TCF7: variants seen among roughly 807,000 people sequenced by gnomAD.
The protein encoded by TCF7 is transcription factor 7, also known as T-cell-factor-7.
In TCF7, 19 loss-of-function variants were observed where a neutral mutation model predicts 46.8. The ratio of observed to expected loss-of-function variants is 0.41; its 90% confidence interval spans 0.28 to 0.60. The LOEUF (loss-of-function observed/expected upper bound fraction) is 0.60, where lower values mean the gene tolerates loss of function less well. Among genes scored for constraint, TCF7 ranks in the 20% least tolerant of loss-of-function variants. The pLI, the probability that TCF7 is intolerant of heterozygous loss-of-function variation, is 0.35. For missense variants in TCF7, 547 were observed against 504.6 expected, an observed-to-expected ratio of 1.08 and a Z score of -0.81; for synonymous variants, 245 against 213.4, an observed-to-expected ratio of 1.15 and a Z score of -1.29.
intron 3 of TCF7, among the ~76,000 whole-genome samples, chr5:134,132,106 T>C (rs567636684): frequency 6.6e-6 from 1 of 152,284 alleles, no homozygotes; most frequent in Non-Finnish European, 1.5e-5. Context: ...CTGTGCACAA[T>C]AACCATAGGC....
In TCF7 at chr5:134,146,528, C is replaced by T. The variant is rs760660096; in HGVS notation, c.*225C>T. On this transcript the variant is annotated 3_prime_UTR_variant, in exon 10 of 10. Coordinates refer to ENST00000342854, the MANE Select transcript of TCF7 (RefSeq NM_003202.5). ...TCAGAGACAGGTGGCCTAGCAGGCA[C>T]AGGACACCTGGCCGCCTCCAGGAGC... 4 of 724,606 alleles carry T rather than the reference C, an allele frequency of 5.5e-6. No individual in the cohort carries two copies. The South Asian group carries it at 5.9e-5, about 11-fold the overall frequency. 44.9% of individuals were successfully genotyped at this position (724,606 alleles called of 1,614,324 possible). A position where few individuals can be genotyped will look rare whatever the true frequency, so the allele number is the denominator to read the frequency against.
At chr5:134,144,624 T>TGGGCTCCC (rs1760401496) in intron 9 of TCF7, 3 of 601,172 alleles carry the variant, frequency 5.0e-6, no homozygotes, top group Non-Finnish European at 9.0e-6. Flanking sequence ...TCTGGGCTCT[T>TGGGCTCCC]GGGCTCCCAC....
At chr5:134,124,587 C>T (rs28495738) in intron 3 of TCF7, among the ~76,000 whole-genome samples, 22,288 of 152,126 alleles carry the variant, frequency 0.15, 2,550 homozygotes, top group African/African-American at 0.31. Context: ...AAGCCCTCAC[C>T]CCGCAGCCCC....
intron 5 of TCF7, among the ~76,000 whole-genome samples, chr5:134,140,140 T>C (rs1759515342): frequency 6.6e-6 from 1 of 152,172 alleles, no homozygotes; most frequent in South Asian, 2.1e-4. Flanking sequence ...GGCACTTGGC[T>C]GTGAGGAAAG....
chr5:134,143,683 C>T (rs1379855777), intron 9 of TCF7, 43 bp downstream of exon 9: 5 of 1,610,878 alleles, frequency 3.1e-6, no homozygotes, highest in Non-Finnish European at 3.4e-6. Flanking sequence ...CTCTCCATGT[C>T]CCCATTTCAA....
chr5:134,121,291 A>G (rs1025752208), intron 3 of TCF7, among the ~76,000 whole-genome samples: 2 of 152,110 alleles, frequency 1.3e-5, no homozygotes, highest in African/African-American at 4.8e-5. Context: ...TTCAAAAAAA[A>G]AAAAAAGATT....
intron 3 of TCF7, among the ~76,000 whole-genome samples, chr5:134,119,945 G>A (rs1756345973): frequency 6.6e-6 from 1 of 152,208 alleles, no homozygotes; most frequent in Non-Finnish European, 1.5e-5. Flanking sequence ...CTTGGTACCA[G>A]GTACTGGGCC....
intron 3 of TCF7, among the ~76,000 whole-genome samples, chr5:134,119,842 G>A (rs1286334750): frequency 6.6e-6 from 1 of 152,264 alleles, no homozygotes; most frequent in Non-Finnish European, 1.5e-5. Flanking sequence ...GCCCCAGAGC[G>A]AGCTGTGGGC....
intron 3 of TCF7, among the ~76,000 whole-genome samples, chr5:134,118,176 A>G (rs555665507): frequency 4.5e-4 from 69 of 152,306 alleles, no homozygotes; most frequent in Middle Eastern, 3.4e-3. Flanking sequence ...TTCAAGGTTC[A>G]TGTGTCTGGA....
chr5:134,133,428 G>C (rs572354950), intron 3 of TCF7, among the ~76,000 whole-genome samples: 48 of 152,116 alleles, frequency 3.2e-4, no homozygotes, highest in Non-Finnish European at 5.4e-4. Flanking sequence ...GCAGGGGAGG[G>C]GGGCTTCAGT....
At position 134,146,756 on chromosome 5, in the gene TCF7, C is replaced by T; in HGVS notation, c.*453C>T. ...ATCTAATTAAGGGAATCCCTTGTAC[C>T]TATGGCTGCCTGCATCTATTCTTTG... On this transcript the variant is annotated 3_prime_UTR_variant, in exon 10 of 10. Coordinates refer to ENST00000342854, the MANE Select transcript of TCF7 (RefSeq NM_003202.5). The T allele has an allele frequency of 1.8e-6, 1 of 557,852 alleles. No individual in the cohort carries two copies. The highest frequency in any genetic ancestry group is 3.1e-6 in the Non-Finnish European group (1 of 318,186). The allele number at this position is 557,852 out of a possible 1,614,324, so 34.6% of individuals were successfully genotyped here.
At chr5:134,134,186 C>T (rs908537957) in intron 3 of TCF7, among the ~76,000 whole-genome samples, 72 of 152,322 alleles carry the variant, frequency 4.7e-4, no homozygotes, top group Middle Eastern at 3.4e-3. Context: ...GGGCAGAGCC[C>T]CAACTCTGGG....
At chr5:134,143,168 A>C in intron 8 of TCF7, 68 bp downstream of exon 8, 2 of 1,484,594 alleles carry the variant, frequency 1.3e-6, no homozygotes, top group South Asian at 1.2e-5. Flanking sequence ...CCCAGGCCAC[A>C]ATCTCAGTAA....
chr5:134,143,035 C>T lies in TCF7; in HGVS notation c.961C>T (p.Leu321=). Residue 321 remains leucine, a synonymous_variant, in exon 8 of 10, where the codon CTG becomes TTG. Transcript: ENST00000342854. ...AGAAGAGCAGGCCAAGTACTATGAG[C>T]TGGCCCGCAAGGAGAGGCAGCTGCA... ...SREEQAKYYE[L]ARKERQLHMQ... is the part of the protein sequence containing the mutation. The T allele has an allele frequency of 6.2e-7, 1 of 1,612,436 alleles. No individual in the cohort carries two copies. Among genetic ancestry groups the T allele is most frequent in the African/African-American group, 1.3e-5 (1 of 75,052 alleles).
In TCF7 at chr5:134,142,881, A is replaced by G; in HGVS notation, c.916A>G (p.Arg306Gly). Residue 306 changes from arginine to glycine, a missense_variant and splice_region_variant, in exon 7 of 10, where the codon AGG becomes GGG. Physicochemically the swap from Arg to Gly is moderately radical, Grantham distance 125 (BLOSUM62 -2). This residue lies in a region of TCF7 where 32 missense variants were observed against 65.9 expected (regional missense o/e 0.49). Transcript: ENST00000342854. ...TGCCATCAACCAGATCCTGGGCCGC[A>G]GGGTGAGACCATGGGCAGGTGGGCT... ...SAAINQILGR[R>G]WHALSREEQA... The G allele has an allele frequency of 6.2e-7, 1 of 1,613,444 alleles. No individual in the cohort carries two copies. Among genetic ancestry groups the G allele is most frequent in the Non-Finnish European group, 8.5e-7 (1 of 1,179,420 alleles).
intron 3 of TCF7, among the ~76,000 whole-genome samples, chr5:134,131,431 T>C (rs1037150742): frequency 6.6e-6 from 1 of 152,240 alleles, no homozygotes; most frequent in Non-Finnish European, 1.5e-5. Flanking sequence ...TTCTGTCTGG[T>C]CAGCCTCTGC....
chr5:134,142,330 G>T (rs1302632578), intron 6 of TCF7, 26 bp downstream of exon 6: 3 of 1,558,282 alleles, frequency 1.9e-6, no homozygotes, highest in Non-Finnish European at 2.6e-6. Context: ...ATGATGGCAG[G>T]GGGTGTGTCA....
chr5:134,139,216 T>G, intron 5 of TCF7, 178 bp downstream of exon 5: 7 of 919,486 alleles, frequency 7.6e-6, no homozygotes, highest in Non-Finnish European at 9.5e-6. Context: ...GGTCCTCATG[T>G]ACCCCGGCCT....
At chr5:134,146,063 C>G (rs1223608271) in intron 9 of TCF7, 161 bp from the exon 10 acceptor site, 1 of 1,569,762 alleles carries the variant, frequency 6.4e-7, no homozygotes, top group African/African-American at 1.4e-5. Flanking sequence ...CTGGGCCAGA[C>G]CAAGCAGAAT....
Sources: gnomAD v4.1 joint callset for allele counts (sites outside exome capture counted in the v4.1 genomes callset) on GRCh38, gnomAD v4.1.1 for gene constraint, gnomAD v4.1.1 regional missense constraint, MANE v1.5 for transcripts, NCBI Gene and HGNC (gene_info 2026-07-23, HGNC 2026-07-21) for gene names.